The following PDE7B variants were observed in gnomAD, a reference collection of about 807,000 sequenced individuals.
PDE7B encodes 3',5'-cyclic-AMP phosphodiesterase 7B.
PDE7B carries 29 observed loss-of-function variants against 56.2 expected under a neutral mutation model. The observed-to-expected ratio is 0.52, with a 90% CI of 0.38 to 0.70. PDE7B has a LOEUF of 0.70. PDE7B is among the 30% of genes least tolerant of loss of function. The probability of loss-of-function intolerance (pLI) is 0.00; values close to 1 mark genes in which losing one functional copy is unlikely to be tolerated. For missense variants in PDE7B, 490 were observed against 565.0 expected (o/e 0.87, Z 1.35); for synonymous variants, 197 against 196.9 (o/e 1.00, Z 0.00).
At chr6:135,990,600 A>G (rs1309067927) in intron 2 of PDE7B, among the ~76,000 whole-genome samples, 1 of 152,204 alleles carries the variant, frequency 6.6e-6, no homozygotes, top group Non-Finnish European at 1.5e-5. Flanking sequence ...ACGTATAGAA[A>G]TAGCAGCTGT....
chr6:135,862,099 T>C (rs1472270632), intron 1 of PDE7B, among the ~76,000 whole-genome samples: 1 of 151,842 alleles, frequency 6.6e-6, no homozygotes, highest in Non-Finnish European at 1.5e-5. Flanking sequence ...GATAACTTTG[T>C]TTTATTGTAC....
chr6:135,959,272 T>C (rs563019259), intron 2 of PDE7B, among the ~76,000 whole-genome samples: 39 of 152,264 alleles, frequency 2.6e-4, no homozygotes, highest in Non-Finnish European at 4.3e-4. Context: ...ATTTTTTCAA[T>C]GATAATCATA....
rs200304899 is a variant in PDE7B, at chr6:136,151,148, G to A, written c.383-12G>A. 2.7e-6 allele frequency: 4 copies of A among 1,493,674 alleles called. No individual in the cohort carries two copies. 92.5% of individuals were successfully genotyped at this position (1,493,674 alleles called of 1,614,324 possible). On this transcript the variant is annotated splice_polypyrimidine_tract_variant and intron_variant, in intron 5 of 12. Coordinates refer to ENST00000308191, the MANE Select transcript of PDE7B (RefSeq NM_018945.4). The stretch of plus-strand genomic sequence containing the variant: ...TCAAAATTAGTTAAAGGAAGTGACT[G>A]TTTTCCTGCAGGAAACAGCCTGGTA...
intron 3 of PDE7B, among the ~76,000 whole-genome samples, chr6:136,116,073 A>G (rs1425080843): frequency 6.6e-6 from 1 of 152,266 alleles, no homozygotes; most frequent in Non-Finnish European, 1.5e-5. Flanking sequence ...ACAACAAAGT[A>G]AATGATCTAA....
At chr6:135,945,188 A>T (rs184081312) in intron 1 of PDE7B, among the ~76,000 whole-genome samples, 14 of 152,230 alleles carry the variant, frequency 9.2e-5, no homozygotes, top group African/African-American at 3.4e-4. Context: ...CTATGATCAG[A>T]CTCCATGGGT....
At chr6:136,013,422 T>C (rs1775925752) in intron 2 of PDE7B, among the ~76,000 whole-genome samples, 1 of 152,214 alleles carries the variant, frequency 6.6e-6, no homozygotes, top group African/African-American at 2.4e-5. Flanking sequence ...GTCACAGCAG[T>C]CCTGATCCAA....
chr6:135,919,651 T>C (rs1040941288), intron 1 of PDE7B, among the ~76,000 whole-genome samples: 3 of 152,240 alleles, frequency 2.0e-5, no homozygotes, highest in South Asian at 2.1e-4. Context: ...ATGAACTGCA[T>C]GGGCAGAAGC....
chr6:135,925,473 C>T (rs1163334627), intron 1 of PDE7B, among the ~76,000 whole-genome samples: 4 of 152,152 alleles, frequency 2.6e-5, no homozygotes, highest in Non-Finnish European at 4.4e-5. Flanking sequence ...TGAGCTTCTT[C>T]TGTTTACTAC....
chr6:136,015,519 G>A (rs753678467), intron 2 of PDE7B, among the ~76,000 whole-genome samples: 1 of 152,144 alleles, frequency 6.6e-6, no homozygotes, highest in African/African-American at 2.4e-5. Context: ...TTTTTCTCAA[G>A]AGGCTTTTCC....
chr6:136,139,313 GGCT>G (rs1778273749), intron 3 of PDE7B, among the ~76,000 whole-genome samples: 1 of 152,130 alleles, frequency 6.6e-6, no homozygotes, highest in Non-Finnish European at 1.5e-5. Context: ...CACTTTTTAT[GGCT>G]GCATAGTATT....
chr6:136,017,173 CACATTCATAGAACTAGAAATT>C (rs1775991031), intron 2 of PDE7B, among the ~76,000 whole-genome samples: 1 of 152,124 alleles, frequency 6.6e-6, no homozygotes, highest in African/African-American at 2.4e-5. Flanking sequence ...GAGTATATTA[CACATTCATAGAACTAGAAATT>C]TCATCCAAAT....
chr6:135,973,962 C>T (rs892922418), intron 2 of PDE7B, among the ~76,000 whole-genome samples: 1 of 152,158 alleles, frequency 6.6e-6, no homozygotes, highest in African/African-American at 2.4e-5. Context: ...ATTCAGTCTC[C>T]ATGTACTAGG....
At chr6:135,900,091 C>G (rs1334480333) in intron 1 of PDE7B, among the ~76,000 whole-genome samples, 1 of 151,910 alleles carries the variant, frequency 6.6e-6, no homozygotes, top group Non-Finnish European at 1.5e-5. Flanking sequence ...TAACTTTTCC[C>G]CCGTGTGTTC....
At chr6:135,906,957 GCTAAATTGACCC>G (rs1483301230) in intron 1 of PDE7B, among the ~76,000 whole-genome samples, 1 of 151,638 alleles carries the variant, frequency 6.6e-6, no homozygotes, top group African/African-American at 2.4e-5. Context: ...AACTTAACCA[GCTAAATTGACCC>G]CTAATTGCCC....
intron 1 of PDE7B, among the ~76,000 whole-genome samples, chr6:135,895,821 G>T (rs1368453618): frequency 6.6e-6 from 1 of 152,100 alleles, no homozygotes; most frequent in Non-Finnish European, 1.5e-5. Flanking sequence ...AAAGGGAAAA[G>T]AATACAAGGA....
chr6:135,972,120 G>A (rs967131765), intron 2 of PDE7B, among the ~76,000 whole-genome samples: 2 of 150,498 alleles, frequency 1.3e-5, no homozygotes, highest in African/African-American at 4.9e-5. Flanking sequence ...TGTAATCCCA[G>A]CTGCTTGGGA....
chr6:135,864,674 A>G (rs1367083379), intron 1 of PDE7B, among the ~76,000 whole-genome samples: 1 of 151,994 alleles, frequency 6.6e-6, no homozygotes, highest in Non-Finnish European at 1.5e-5. Context: ...ATTTATCCCA[A>G]TTAGGGCTTG....
chr6:136,071,613 A>G (rs1210085071), intron 2 of PDE7B, among the ~76,000 whole-genome samples: 1 of 152,234 alleles, frequency 6.6e-6, no homozygotes, highest in Non-Finnish European at 1.5e-5. Flanking sequence ...CAGTTTTCTT[A>G]CTGGAAAAAT....
At chr6:136,016,825 CTAATT>C (rs1775986404) in intron 2 of PDE7B, among the ~76,000 whole-genome samples, 1 of 152,172 alleles carries the variant, frequency 6.6e-6, no homozygotes, top group African/African-American at 2.4e-5. Flanking sequence ...TTAGATACAC[CTAATT>C]TAATTTCTCA....
Sources: allele counts gnomAD v4.1 joint callset (sites outside exome capture counted in the v4.1 genomes callset), GRCh38; gene constraint gnomAD v4.1.1; transcripts MANE v1.5; gene names NCBI Gene and HGNC (gene_info 2026-07-23, HGNC 2026-07-21).